The following ARAP2 variants were observed in gnomAD, a reference collection of about 807,000 sequenced individuals.
The protein encoded by ARAP2 is arf-GAP with Rho-GAP domain, ANK repeat and PH domain-containing protein 2.
ARAP2 carries 148 observed loss-of-function variants against 194.5 expected under a neutral mutation model. The observed-to-expected ratio is 0.76, with a 90% CI of 0.67 to 0.87. The LOEUF is 0.87. ARAP2 is among the 40% of genes least tolerant of loss of function. ARAP2 has a pLI of 0.00. For missense variants in ARAP2, 2,128 were observed against 1,989.7 expected, an observed-to-expected ratio of 1.07 and a Z score of -1.32; for synonymous variants, 695 against 683.5, an observed-to-expected ratio of 1.02 and a Z score of -0.26.
chr4:36,087,992 G>A (rs1712381810), intron 28 of ARAP2, among the ~76,000 whole-genome samples: 1 of 152,098 alleles, frequency 6.6e-6, no homozygotes, highest in South Asian at 2.1e-4. Flanking sequence ...TAACTGTATA[G>A]ATAAAATGAG....
chr4:36,058,300 ATAGT>A (rs1179268560), intron 1 of ARAP2, among the ~76,000 whole-genome samples: 2 of 152,344 alleles, frequency 1.3e-5, no homozygotes, highest in East Asian at 3.9e-4. Flanking sequence ...AAAACTAGCT[ATAGT>A]TAGTTTTCTA....
chr4:36,197,093 T>C (rs1435835047), intron 6 of ARAP2, among the ~76,000 whole-genome samples: 8 of 151,992 alleles, frequency 5.3e-5, no homozygotes, highest in Admixed American at 2.6e-4. Flanking sequence ...TTCTTTTTCT[T>C]GAGCCTTCCT....
chr4:36,125,176 C>T (rs1038806708), intron 21 of ARAP2, among the ~76,000 whole-genome samples: 1 of 151,872 alleles, frequency 6.6e-6, no homozygotes, highest in African/African-American at 2.4e-5. Context: ...GTATTATGTG[C>T]TCTAGTTCTT....
chr4:36,144,896 T>C (rs1729263021), intron 19 of ARAP2, among the ~76,000 whole-genome samples: 1 of 151,940 alleles, frequency 6.6e-6, no homozygotes, highest in Non-Finnish European at 1.5e-5. Context: ...GATGAATACC[T>C]TCATGATGAT....
chr4:36,086,769 A>G (rs1711968471), intron 28 of ARAP2, among the ~76,000 whole-genome samples: 1 of 152,118 alleles, frequency 6.6e-6, no homozygotes, highest in Non-Finnish European at 1.5e-5. Context: ...TGCTTATTAA[A>G]GTATAGGCAA....
At chr4:36,020,720 G>A (rs1309696835) in intron 5 of ARAP2, among the ~76,000 whole-genome samples, 1 of 152,226 alleles carries the variant, frequency 6.6e-6, no homozygotes, top group African/African-American at 2.4e-5. Context: ...AGTCGAGACT[G>A]CTGGTTAGAC....
In ARAP2 at chr4:36,116,591, TATTATTAATTATAAC is replaced by T. The variant is rs1721378015; in HGVS notation, c.4038+455_4038+469del. Among the ~76,000 whole-genome samples the T allele has an allele frequency of 2.0e-5, 3 of 151,982 alleles. No homozygotes were observed. The South Asian group carries it at 6.2e-4, about 31-fold the overall frequency. ...AGTATAGAAAACAAGGGTGAGAGAT[TATTATTAATTATAAC>T]AGCACTAGTAGTAATAGTTATTTAT... On this transcript the variant is annotated intron_variant, in intron 25 of 32. Transcript: ENST00000303965.
chr4:36,183,030 C>T (rs976182681), intron 8 of ARAP2, among the ~76,000 whole-genome samples: 16 of 152,076 alleles, frequency 1.1e-4, no homozygotes, highest in African/African-American at 7.2e-5. Context: ...GCCCCACAAT[C>T]GAGTATTTTA....
In ARAP2 at chr4:36,158,833, A is replaced by G. The variant is rs1015711959; in HGVS notation, c.2649T>C (p.Gly883=). The part of the protein sequence containing the change: ...DFPQHDIHSE[G]VLSQESSQST... ...ACTGGGAAGACTCTTGACTTAATAC[A>G]CCCTCGGAATGAATATCATGTTGAG... Residue 883 remains glycine (G), a synonymous_variant, in exon 15 of 33, where the codon GGT becomes GGC. Transcript: ENST00000303965. 2.5e-6 allele frequency: 4 copies of G among 1,606,486 alleles called. No individual in the cohort carries two copies. The highest frequency in any genetic ancestry group is 3.4e-6 in the Non-Finnish European group (4 of 1,177,966).
intron 6 of ARAP2, among the ~76,000 whole-genome samples, chr4:36,016,417 T>C (rs1327946652): frequency 6.6e-6 from 1 of 152,186 alleles, no homozygotes. Context: ...CTAAAGCATT[T>C]TGCACAAATG....
intron 26 of ARAP2, among the ~76,000 whole-genome samples, chr4:36,113,729 G>T (rs1720611325): frequency 6.6e-6 from 1 of 151,764 alleles, no homozygotes; most frequent in Non-Finnish European, 1.5e-5. Flanking sequence ...GGAGATGAAA[G>T]ACAACAAAAT....
rs559786962 is a variant in ARAP2 at position 36,199,416 on chromosome 4, G to A, written c.1488-5769C>T. On this transcript the variant is annotated intron_variant, in intron 6 of 32. Transcript: ENST00000303965. ...AAGTGTTTCTTCTGCCTCAGCTGAC[G>A]GAGTAGCTGGGACTACAGGCACATG... is the stretch of plus-strand genomic sequence containing the variant. Among the ~76,000 whole-genome samples, 27 of 152,120 alleles carry A rather than the reference G, an allele frequency of 1.8e-4. 1 individual carries two copies. In the South Asian group the frequency reaches 5.6e-3, roughly 32 times the overall value.
At chr4:36,084,976 G>T (rs933419032) in intron 28 of ARAP2, among the ~76,000 whole-genome samples, 2 of 152,064 alleles carry the variant, frequency 1.3e-5, no homozygotes, top group African/African-American at 2.4e-5. Context: ...TACACGGATA[G>T]GGTACATTTA....
At chr4:36,201,867 A>G (rs1409568085) in intron 6 of ARAP2, among the ~76,000 whole-genome samples, 1 of 152,144 alleles carries the variant, frequency 6.6e-6, no homozygotes, top group Non-Finnish European at 1.5e-5. Flanking sequence ...TAACTAACCA[A>G]TGATACCAAT....
chr4:36,016,786 C>T (rs1370423956), intron 6 of ARAP2, among the ~76,000 whole-genome samples: 1 of 152,120 alleles, frequency 6.6e-6, no homozygotes, highest in African/African-American at 2.4e-5. Context: ...AACCTCTTGG[C>T]CATTCTTCAA....
At chr4:36,028,272 T>G (rs1177401960) in intron 5 of ARAP2, among the ~76,000 whole-genome samples, 1 of 152,156 alleles carries the variant, frequency 6.6e-6, no homozygotes, top group Non-Finnish European at 1.5e-5. Flanking sequence ...ATTATGATTA[T>G]CTAGTCTCTA....
At chr4:36,047,406 C>T (rs570787271) in intron 3 of ARAP2, 3 of 152,252 alleles carry the variant, frequency 2.0e-5, no homozygotes, top group South Asian at 4.1e-4. Flanking sequence ...CTGACTTTCC[C>T]GTCTTCATAA....
chr4:36,158,156 G>A (rs1733018368), intron 15 of ARAP2, among the ~76,000 whole-genome samples: 1 of 152,124 alleles, frequency 6.6e-6, no homozygotes. Flanking sequence ...CAAGGAGTTG[G>A]AAGGATAAAT....
At chr4:36,043,074 C>A (rs1398081555) in intron 5 of ARAP2, among the ~76,000 whole-genome samples, 1 of 152,098 alleles carries the variant, frequency 6.6e-6, no homozygotes, top group African/African-American at 2.4e-5. Flanking sequence ...AACTCCTGAC[C>A]TCAGGTGATC....
Sources: gnomAD v4.1 joint callset for allele counts (sites outside exome capture counted in the v4.1 genomes callset) on GRCh38, gnomAD v4.1.1 for gene constraint, MANE v1.5 for transcripts, NCBI Gene and HGNC (gene_info 2026-07-23, HGNC 2026-07-21) for gene names.